SCGB2A1: variants seen among roughly 807,000 people sequenced by gnomAD.
The protein encoded by SCGB2A1 is secretoglobin family 2A member 1.
Under a neutral mutation model 9.2 loss-of-function variants are expected in SCGB2A1, and 6 were observed. The ratio of observed to expected loss-of-function variants is 0.66; its 90% confidence interval spans 0.36 to 1.29. The LOEUF (loss-of-function observed/expected upper bound fraction) is 1.29, where lower values mean the gene tolerates loss of function less well. SCGB2A1 is among the 50% of genes most tolerant of loss of function. SCGB2A1 has a pLI of 0.03. For synonymous variants in SCGB2A1, 37 were observed against 41.0 expected (o/e 0.90, Z 0.37); for missense variants, 138 against 116.9 (o/e 1.18, Z -0.83).
intron 1 of SCGB2A1, 55 bp downstream of exon 1, chr11:62,208,841 C>A: frequency 6.4e-7 from 1 of 1,568,374 alleles, no homozygotes; most frequent in Non-Finnish European, 8.7e-7. Context: ...ACCTGGGCCC[C>A]TGTAGAAGAA....
At chr11:62,208,931 T>C in intron 1 of SCGB2A1, 145 bp downstream of exon 1, 1 of 696,734 alleles carries the variant, frequency 1.4e-6, no homozygotes, top group East Asian at 2.8e-5. Flanking sequence ...TCCCCATGAG[T>C]TCCTGACAAT....
chr11:62,210,518 C>T lies in SCGB2A1; in HGVS notation c.161C>T (p.Ala54Val). Residue 54 changes from alanine (A) to valine (V), a missense_variant, in exon 2 of 3, where the codon GCC becomes GTC. Physicochemically the swap from Ala to Val is moderately conservative, Grantham distance 64. Coordinates refer to ENST00000244930, the MANE Select transcript of SCGB2A1 (RefSeq NM_002407.3). ...CTTCAAGAGTTCATAGACAGTGATG[C>T]CGCTGCAGAGGCTATGGGGAAATTC... ...ELLQEFIDSD[A>V]AAEAMGKFKQ... The T allele has an allele frequency of 1.9e-6, 3 of 1,595,970 alleles. No individual in the cohort carries two copies. Among genetic ancestry groups the T allele is most frequent in the Non-Finnish European group, 2.6e-6 (3 of 1,173,940 alleles).
At chr11:62,213,676 A>T (rs753153662) in intron 2 of SCGB2A1, 50 bp from the exon 3 acceptor site, 2 of 1,553,130 alleles carry the variant, frequency 1.3e-6, no homozygotes, top group Admixed American at 3.6e-5. Context: ...TTAATATTTG[A>T]TTTAATAAGT....
chr11:62,210,954 G>A (rs1197457014), intron 2 of SCGB2A1, among the ~76,000 whole-genome samples: 3 of 144,382 alleles, frequency 2.1e-5, no homozygotes, highest in Non-Finnish European at 3.0e-5. Flanking sequence ...ACGGAGTTTC[G>A]CTCTGTCACT....
In SCGB2A1 at chr11:62,210,468, A is replaced by G. The variant is rs775402282; in HGVS notation, c.111A>G (p.Ile37Met). 1.9e-6 allele frequency: 3 copies of G among 1,590,194 alleles called. No homozygotes were observed. In the South Asian group the frequency reaches 3.6e-5, roughly 19 times the overall value. The change falls in exon 2 of 3, where the codon ATA becomes ATG. Residue 37 changes from isoleucine to methionine, a missense_variant. Physicochemically the swap from Ile to Met is conservative, Grantham distance 10 (BLOSUM62 1). Coordinates refer to ENST00000244930, the MANE Select transcript of SCGB2A1 (RefSeq NM_002407.3). Reference protein sequence around the residue: ...DMVEKTINSDISIPEYKELLQ... With the variant: ...DMVEKTINSDMSIPEYKELLQ... ...TTGAAAAGACCATCAATTCCGACATATCTATACCTGAATACAAAGAGCTTC... is the reference window on the plus strand; with the variant it reads ...TTGAAAAGACCATCAATTCCGACATGTCTATACCTGAATACAAAGAGCTTC...
intron 2 of SCGB2A1, 75 bp downstream of exon 2, chr11:62,210,675 G>A: frequency 8.5e-7 from 1 of 1,174,682 alleles, no homozygotes; most frequent in Non-Finnish European, 1.2e-6. Flanking sequence ...TTGGCACCAA[G>A]AATGCCAAGC....
intron 2 of SCGB2A1, among the ~76,000 whole-genome samples, chr11:62,211,023 A>G (rs118108980): frequency 0.053 from 7,998 of 150,954 alleles, 465 homozygotes; most frequent in Non-Finnish European, 0.069. Context: ...TCCCGGGTTC[A>G]AGAGATTTGC....
intron 2 of SCGB2A1, among the ~76,000 whole-genome samples, chr11:62,212,989 C>CACACAG (rs1446440074): frequency 7.4e-6 from 1 of 135,626 alleles, no homozygotes. Context: ...TGCACATATA[C>CACACAG]ATGCATATAT....
At chr11:62,213,467 T>C (rs1455946492) in intron 2 of SCGB2A1, 8 of 397,122 alleles carry the variant, frequency 2.0e-5, no homozygotes, top group African/African-American at 4.1e-5. Context: ...TTTCAAAGGA[T>C]AGAATTTTTG....
intron 2 of SCGB2A1, among the ~76,000 whole-genome samples, chr11:62,211,670 G>A (rs1249725479): frequency 1.3e-5 from 2 of 152,066 alleles, no homozygotes; most frequent in Admixed American, 6.5e-5. Flanking sequence ...AAAGTGCTGG[G>A]ATTACAGGTG....
chr11:62,209,427 AC>A (rs150182664), intron 1 of SCGB2A1, among the ~76,000 whole-genome samples: 1,619 of 152,298 alleles, frequency 0.011, 32 homozygotes, highest in African/African-American at 0.037. Flanking sequence ...TGTGCAGTTC[AC>A]AAAGGTGGAT....
chr11:62,209,011 GTC>G (rs1427900664), intron 1 of SCGB2A1, among the ~76,000 whole-genome samples: 2 of 152,106 alleles, frequency 1.3e-5, no homozygotes, highest in African/African-American at 4.8e-5. Flanking sequence ...GGCACTCAGC[GTC>G]TCACCATGGT....
chr11:62,213,641 A>G lies in SCGB2A1; in HGVS notation c.244-85A>G, dbSNP rs148956057. 8,329 of 1,349,642 alleles carry G rather than the reference A, an allele frequency of 6.2e-3. 45 individuals are homozygous for G. The highest frequency in any genetic ancestry group is 0.014 in the Middle Eastern group (75 of 5,470). 83.6% of individuals were successfully genotyped at this position (1,349,642 alleles called of 1,614,324 possible). A position where few individuals can be genotyped will look rare whatever the true frequency, so the allele number is the denominator to read the frequency against. Reference sequence around the variant, plus strand: ...CTGAGAGTTAGCTGTTTGTGGACAAATGCAAGAAAACAAGAAGACAAGTTT... The same window carrying G: ...CTGAGAGTTAGCTGTTTGTGGACAAGTGCAAGAAAACAAGAAGACAAGTTT... On this transcript the variant is annotated intron_variant, in intron 2 of 2. Coordinates refer to ENST00000244930, the MANE Select transcript of SCGB2A1 (RefSeq NM_002407.3).
chr11:62,212,311 A>G (rs1944836988), intron 2 of SCGB2A1, among the ~76,000 whole-genome samples: 1 of 152,064 alleles, frequency 6.6e-6, no homozygotes, highest in Admixed American at 6.6e-5. Context: ...ATTAACTGCA[A>G]TTTGGGATGG....
rs1831429078 is a variant in SCGB2A1 at position 62,213,867 on chromosome 11, T to C, written c.*97T>C. ...ACTTTTCTTTCTTGTGTTGTCTTTT[T>C]ATGTGGAAACTGCTAGACAACTGTT... On this transcript the variant is annotated 3_prime_UTR_variant, in exon 3 of 3. Coordinates refer to ENST00000244930, the MANE Select transcript of SCGB2A1 (RefSeq NM_002407.3). 6 of 1,045,768 alleles carry C rather than the reference T, an allele frequency of 5.7e-6. No homozygotes were observed. The East Asian group carries it at 1.4e-4, about 25-fold the overall frequency. 64.8% of individuals were successfully genotyped at this position (1,045,768 alleles called of 1,614,324 possible).
rs1376952446 is a variant in SCGB2A1 at position 62,210,073 on chromosome 11, A to T, written c.56-340A>T. On this transcript the variant is annotated intron_variant, in intron 1 of 2. Coordinates refer to ENST00000244930, the MANE Select transcript of SCGB2A1 (RefSeq NM_002407.3). ...TTGGAAACCCTACCTGATGCTGGGC[A>T]TGATAACAGGGAAGCATTGCATGAC... is the stretch of plus-strand genomic sequence containing the variant. Among the ~76,000 whole-genome samples, 7 of 152,328 alleles carry T rather than the reference A, an allele frequency of 4.6e-5. No homozygotes were observed. The South Asian group carries it at 6.2e-4, about 14-fold the overall frequency.
At chr11:62,213,558 C>T (rs1054810077) in intron 2 of SCGB2A1, 168 bp from the exon 3 acceptor site, 2 of 625,564 alleles carry the variant, frequency 3.2e-6, no homozygotes, top group Non-Finnish European at 5.6e-6. Flanking sequence ...TGAAGTGTCT[C>T]CTAGATAACA....
In SCGB2A1 at chr11:62,213,870, G is replaced by A; in HGVS notation, c.*100G>A. ...TTTCTTTCTTGTGTTGTCTTTTTATGTGGAAACTGCTAGACAACTGTTGAA... is the reference window on the plus strand; with the variant it reads ...TTTCTTTCTTGTGTTGTCTTTTTATATGGAAACTGCTAGACAACTGTTGAA... On this transcript the variant is annotated 3_prime_UTR_variant, in exon 3 of 3. Transcript: ENST00000244930. The A allele has an allele frequency of 1.0e-6, 1 of 979,902 alleles. No homozygotes were observed. The highest frequency in any genetic ancestry group is 1.6e-6 in the Non-Finnish European group (1 of 633,740). 60.7% of individuals were successfully genotyped at this position (979,902 alleles called of 1,614,324 possible). A position where few individuals can be genotyped will look rare whatever the true frequency, so the allele number is the denominator to read the frequency against.
At chr11:62,211,789 C>T (rs1435459086) in intron 2 of SCGB2A1, among the ~76,000 whole-genome samples, 1 of 152,220 alleles carries the variant, frequency 6.6e-6, no homozygotes, top group Non-Finnish European at 1.5e-5. Context: ...TTAAGTGCCT[C>T]ATGAAGTGGG....
Sources: allele counts gnomAD v4.1 joint callset (sites outside exome capture counted in the v4.1 genomes callset), GRCh38; gene constraint gnomAD v4.1.1; transcripts MANE v1.5; gene names NCBI Gene and HGNC (gene_info 2026-07-23, HGNC 2026-07-21).